The following NDUFAF6 variants were observed in gnomAD, a reference collection of about 807,000 sequenced individuals.
NDUFAF6 encodes the protein NADH dehydrogenase (ubiquinone) complex I, assembly factor 6.
NDUFAF6 carries 45 observed loss-of-function variants against 40.8 expected under a neutral mutation model. The observed-to-expected ratio is 1.10, with a 90% confidence interval of 0.87 to 1.42. NDUFAF6 has a LOEUF of 1.42. Among genes scored for constraint, NDUFAF6 ranks in the 40% most tolerant of loss-of-function variants. The pLI is 0.00. For synonymous variants in NDUFAF6, 185 were observed against 155.9 expected (o/e 1.19, Z -1.39); for missense variants, 435 against 418.5 (o/e 1.04, Z -0.34).
intron 1 of NDUFAF6, among the ~76,000 whole-genome samples, chr8:94,971,265 C>T (rs1349059279): frequency 6.6e-6 from 1 of 152,156 alleles, no homozygotes; most frequent in Non-Finnish European, 1.5e-5. Context: ...TCTTGGAAAC[C>T]CCAGTGCTAG....
chr8:94,935,337 A>T (rs1375588176), intron 1 of NDUFAF6, among the ~76,000 whole-genome samples: 1 of 152,216 alleles, frequency 6.6e-6, no homozygotes, highest in African/African-American at 2.4e-5. Flanking sequence ...CCACTAAGGT[A>T]CACGATAGAA....
chr8:95,045,496 T>C (rs2131886312), intron 4 of NDUFAF6, 49 bp from the exon 5 acceptor site: 1 of 1,382,316 alleles, frequency 7.2e-7, no homozygotes, highest in Non-Finnish European at 1.0e-6. Context: ...CTTTTCTTTC[T>C]AAAATATTGA....
At chr8:95,071,469 G>T (rs1054141000) in intron 9 of NDUFAF6, among the ~76,000 whole-genome samples, 27 of 150,540 alleles carry the variant, frequency 1.8e-4, no homozygotes, top group African/African-American at 6.6e-4. Flanking sequence ...TAGCCAGCCA[G>T]CTTTGCAGAC....
intron 2 of NDUFAF6, among the ~76,000 whole-genome samples, chr8:95,095,376 G>T (rs1449754065): frequency 6.6e-6 from 1 of 152,138 alleles, no homozygotes; most frequent in East Asian, 1.9e-4. Flanking sequence ...ACAGTCATCC[G>T]AATGGGATCC....
chr8:95,075,792 G>C (rs1205199234), exon 10 of NDUFAF6: 10 of 940,702 alleles, frequency 1.1e-5, no homozygotes, highest in Non-Finnish European at 1.5e-5. Context: ...ACTAGCTCTA[G>C]GCCAATCTTG....
At chr8:95,113,886 C>T (rs1810066168) in intron 4 of NDUFAF6, among the ~76,000 whole-genome samples, 1 of 151,820 alleles carries the variant, frequency 6.6e-6, no homozygotes, top group African/African-American at 2.4e-5. Context: ...AACCATCATT[C>T]TCAGTAAACT....
At chr8:95,064,627 A>T (rs1472662170) in intron 9 of NDUFAF6, among the ~76,000 whole-genome samples, 1 of 151,990 alleles carries the variant, frequency 6.6e-6, no homozygotes, top group Non-Finnish European at 1.5e-5. Context: ...GTCTTTTGTT[A>T]TAATGTTGGA....
intron 2 of NDUFAF6, chr8:94,989,105 A>T (rs1320605744): frequency 6.6e-6 from 1 of 152,224 alleles, no homozygotes; most frequent in Non-Finnish European, 1.5e-5. Flanking sequence ...AAAACCATTT[A>T]ATTGTACATT....
intron 8 of NDUFAF6, among the ~76,000 whole-genome samples, chr8:95,052,849 G>A (rs1175099656): frequency 1.3e-5 from 2 of 152,194 alleles, no homozygotes; most frequent in Non-Finnish European, 2.9e-5. Flanking sequence ...GCGTAGACAG[G>A]TTTGGGAACT....
chr8:95,066,224 A>T (rs1396548116), intron 9 of NDUFAF6, among the ~76,000 whole-genome samples: 1 of 148,194 alleles, frequency 6.7e-6, no homozygotes, highest in African/African-American at 2.5e-5. Flanking sequence ...TGATCCTCCC[A>T]CCTCAGCCTC....
intron 3 of NDUFAF6, chr8:95,036,510 G>A (rs951512299): frequency 7.8e-7 from 1 of 1,288,128 alleles, no homozygotes; most frequent in Non-Finnish European, 1.0e-6. Context: ...TATTAGATTA[G>A]TTCTTTACCT....
chr8:95,026,196 G>T (rs558331786), intron 1 of NDUFAF6, among the ~76,000 whole-genome samples: 35 of 152,270 alleles, frequency 2.3e-4, no homozygotes, highest in Admixed American at 1.2e-3. Context: ...GCCGGCCGCG[G>T]TGGCTACACG....
chr8:94,942,055 C>T (rs1352376573), intron 1 of NDUFAF6, among the ~76,000 whole-genome samples: 3 of 151,102 alleles, frequency 2.0e-5, no homozygotes, highest in East Asian at 1.9e-4. Flanking sequence ...TTTTTTGAGA[C>T]GGAGTCTTTG....
At chr8:95,069,474 A>G (rs1015950100) in intron 9 of NDUFAF6, among the ~76,000 whole-genome samples, 5 of 151,738 alleles carry the variant, frequency 3.3e-5, no homozygotes, top group African/African-American at 1.2e-4. Context: ...TAAAAATTCT[A>G]TTGAATTAAA....
intron 2 of NDUFAF6, among the ~76,000 whole-genome samples, chr8:95,032,514 AG>A (rs558144287): frequency 4.5e-4 from 68 of 152,366 alleles, no homozygotes; most frequent in African/African-American, 1.6e-3. Context: ...AAGCAATTGT[AG>A]CAAACCAGGA....
At chr8:95,068,632 C>T (rs1832757588) in intron 9 of NDUFAF6, 1 of 151,838 alleles carries the variant, frequency 6.6e-6, no homozygotes, top group Non-Finnish European at 1.5e-5. Context: ...AATTCAAGGC[C>T]CCTTTTGTTC....
rs150888651 is a variant in NDUFAF6 at position 95,102,145 on chromosome 8, C to T, written n.231-831C>T. On this transcript the variant is annotated intron_variant and non_coding_transcript_variant, in intron 2 of 2. Coordinates refer to the NDUFAF6 transcript ENST00000521063. ...CCCAAGTAGTTGGGATTACAGTGCC[C>T]GCCACCAAACCAGCTACTTTTGTAT... Among the ~76,000 whole-genome samples the T allele has an allele frequency of 1.8e-3, 268 of 152,142 alleles. 2 individuals carry two copies. Among genetic ancestry groups the T allele is most frequent in the African/African-American group, 6.0e-3 (250 of 41,506 alleles).
At chr8:95,109,448 G>A (rs1445583260) in intron 4 of NDUFAF6, among the ~76,000 whole-genome samples, 1 of 152,154 alleles carries the variant, frequency 6.6e-6, no homozygotes, top group Non-Finnish European at 1.5e-5. Flanking sequence ...TCCCATGCAG[G>A]CTGTTTATCC....
intron 5 of NDUFAF6, among the ~76,000 whole-genome samples, chr8:95,046,607 A>G (rs919455507): frequency 2.0e-5 from 3 of 152,358 alleles, no homozygotes; most frequent in Admixed American, 1.3e-4. Flanking sequence ...CATGTTTGCC[A>G]TCACAATGAA....
Sources: gnomAD v4.1 joint callset for allele counts (sites outside exome capture counted in the v4.1 genomes callset) on GRCh38, gnomAD v4.1.1 for gene constraint, MANE v1.5 for transcripts, NCBI Gene and HGNC (gene_info 2026-07-23, HGNC 2026-07-21) for gene names.